The following PVT1 variants were observed in gnomAD, a reference collection of about 807,000 sequenced individuals.
PVT1 encodes Pvt1 oncogene.
intron 2 of PVT1, among the ~76,000 whole-genome samples, chr8:127,849,120 T>A (rs1188145185): frequency 6.6e-6 from 1 of 151,504 alleles, no homozygotes; most frequent in South Asian, 2.1e-4. Flanking sequence ...GTAGGAAGAG[T>A]GTGTGTTCAT....
chr8:127,881,511 C>T (rs1363212687), intron 2 of PVT1, among the ~76,000 whole-genome samples: 1 of 150,616 alleles, frequency 6.6e-6, no homozygotes, highest in African/African-American at 2.4e-5. Flanking sequence ...AGTGCAGTGG[C>T]ACAATCACAA....
chr8:128,013,818 G>C (rs534970673), intron 4 of PVT1, among the ~76,000 whole-genome samples: 2 of 152,298 alleles, frequency 1.3e-5, no homozygotes, highest in South Asian at 4.1e-4. Flanking sequence ...GCTAGGAAAT[G>C]TGCCTTGTCA....
chr8:127,971,611 G>A (rs181999880), intron 3 of PVT1, among the ~76,000 whole-genome samples: 37 of 152,326 alleles, frequency 2.4e-4, no homozygotes, highest in African/African-American at 8.7e-4. Flanking sequence ...GCATAGAGCA[G>A]CCCAGCCTCT....
At chr8:127,941,648 G>T (rs529505280) in intron 3 of PVT1, among the ~76,000 whole-genome samples, 3 of 152,204 alleles carry the variant, frequency 2.0e-5, no homozygotes, top group African/African-American at 7.2e-5. Flanking sequence ...GTTTGCTATT[G>T]TTGGGCATTA....
chr8:128,029,082 A>G (rs181547384), intron 4 of PVT1, among the ~76,000 whole-genome samples: 2 of 151,972 alleles, frequency 1.3e-5, no homozygotes, highest in Non-Finnish European at 2.9e-5. Flanking sequence ...GACTCAGGTA[A>G]TCCTCCCACC....
intron 2 of PVT1, among the ~76,000 whole-genome samples, chr8:127,826,834 C>T (rs1814794110): frequency 1.3e-5 from 2 of 152,070 alleles, no homozygotes. Context: ...TTAAAATTCA[C>T]CAGGTAGTAA....
At chr8:127,933,456 T>C (rs2129891884) in intron 3 of PVT1, among the ~76,000 whole-genome samples, 1 of 152,312 alleles carries the variant, frequency 6.6e-6, no homozygotes, top group Non-Finnish European at 1.5e-5. Flanking sequence ...TCATTCCTAT[T>C]CTCTGCTTTC....
At chr8:127,847,000 T>TG (rs1426129707) in intron 2 of PVT1, among the ~76,000 whole-genome samples, 16 of 108,028 alleles carry the variant, frequency 1.5e-4, no homozygotes, top group Non-Finnish European at 2.5e-4. Context: ...TTTTTTTTTT[T>TG]TTGTTGTTGT....
At chr8:128,043,752 T>A (rs1813573833) in intron 4 of PVT1, among the ~76,000 whole-genome samples, 1 of 148,710 alleles carries the variant, frequency 6.7e-6, no homozygotes, top group South Asian at 2.2e-4. Context: ...CTATATAGTA[T>A]TATTTTCCCA....
chr8:127,969,152 G>A (rs1183806437), intron 3 of PVT1, among the ~76,000 whole-genome samples: 4 of 152,102 alleles, frequency 2.6e-5, no homozygotes, highest in Non-Finnish European at 4.4e-5. Flanking sequence ...GTTTATAAGC[G>A]AACTTTGACA....
chr8:128,017,678 C>A (rs1817389375), intron 4 of PVT1, among the ~76,000 whole-genome samples: 1 of 151,900 alleles, frequency 6.6e-6, no homozygotes, highest in Non-Finnish European at 1.5e-5. Flanking sequence ...CTCAAGTTAT[C>A]CTCCTGCCTC....
intron 4 of PVT1, among the ~76,000 whole-genome samples, chr8:127,989,770 G>A (rs1224807149): frequency 6.6e-6 from 1 of 152,108 alleles, no homozygotes; most frequent in Non-Finnish European, 1.5e-5. Context: ...AAGGCTGAGG[G>A]TGCAGGAGGT....
intron 5 of PVT1, among the ~76,000 whole-genome samples, chr8:128,073,477 C>T (rs954983503): frequency 3.9e-5 from 6 of 152,148 alleles, no homozygotes; most frequent in African/African-American, 9.7e-5. Context: ...ACACACAAAT[C>T]TCCAGGGGTA....
chr8:127,978,593 C>A (rs1423992169), intron 3 of PVT1, among the ~76,000 whole-genome samples: 1 of 151,916 alleles, frequency 6.6e-6, no homozygotes, highest in Non-Finnish European at 1.5e-5. Context: ...CAGTGATTCT[C>A]CTGCCTCAGC....
At chr8:127,892,399 T>C (rs185312174) in intron 3 of PVT1, among the ~76,000 whole-genome samples, 5 of 152,314 alleles carry the variant, frequency 3.3e-5, no homozygotes, top group Admixed American at 2.0e-4. Context: ...ACAGTTGCCT[T>C]GATCAAATAT....
intron 2 of PVT1, among the ~76,000 whole-genome samples, chr8:127,860,034 G>T (rs552396604): frequency 8.7e-4 from 133 of 152,282 alleles, no homozygotes; most frequent in African/African-American, 3.1e-3. Flanking sequence ...CGGACCCCGT[G>T]ACTGGCTGCG....
At chr8:128,002,269 G>T (rs971554823) in intron 4 of PVT1, among the ~76,000 whole-genome samples, 2 of 152,146 alleles carry the variant, frequency 1.3e-5, no homozygotes, top group Admixed American at 6.5e-5. Context: ...GGTTCCCAGG[G>T]ATCCATGGGC....
At chr8:127,831,679 G>C (rs1023704969) in intron 2 of PVT1, among the ~76,000 whole-genome samples, 12 of 152,164 alleles carry the variant, frequency 7.9e-5, no homozygotes, top group African/African-American at 2.9e-4. Flanking sequence ...AAAACATGCC[G>C]GGAGCCTAGA....
intron 2 of PVT1, among the ~76,000 whole-genome samples, chr8:127,844,945 C>G (rs1222911126): frequency 6.6e-6 from 1 of 152,076 alleles, no homozygotes; most frequent in African/African-American, 2.4e-5. Flanking sequence ...GATCTCCTGA[C>G]CTCGTGATCC....
Sources: gnomAD v4.1 joint callset for allele counts (sites outside exome capture counted in the v4.1 genomes callset) on GRCh38, gnomAD v4.1.1 for gene constraint, MANE v1.5 for transcripts, NCBI Gene and HGNC (gene_info 2026-07-23, HGNC 2026-07-21) for gene names.